Variants in CDH26 observed in about 807,000 individuals in gnomAD.
CDH26 encodes cadherin-like protein 26.
A neutral mutation model predicts 90.3 loss-of-function variants in CDH26; 83 were observed. The observed-to-expected ratio is 0.92, with a 90% CI of 0.77 to 1.10. CDH26 has a LOEUF of 1.10. Ranked by LOEUF, CDH26 falls within the 50% of genes least tolerant of loss-of-function variation. CDH26 has a pLI of 0.00. For missense variants in CDH26, 1,013 were observed against 1,037.6 expected, an observed-to-expected ratio of 0.98 and a Z score of 0.33; for synonymous variants, 397 against 396.3, an observed-to-expected ratio of 1.00 and a Z score of -0.02.
chr20:59,970,032 G>C (rs772173557), intron 2 of CDH26, 50 bp from the exon 3 acceptor site: 2 of 1,588,908 alleles, frequency 1.3e-6, no homozygotes, highest in Admixed American at 3.5e-5. Context: ...AATCCTGGCT[G>C]TGAGCATCAC....
intron 7 of CDH26, among the ~76,000 whole-genome samples, chr20:60,022,024 C>T (rs1775370356): frequency 1.3e-5 from 2 of 151,604 alleles, no homozygotes; most frequent in Non-Finnish European, 2.9e-5. Context: ...ATATTTCAGC[C>T]TTTCCCTTTA....
chr20:60,031,674 C>T (rs78686300), intron 8 of CDH26, among the ~76,000 whole-genome samples: 474 of 152,306 alleles, frequency 3.1e-3, no homozygotes, highest in African/African-American at 0.011. Context: ...AAGTTCTTTA[C>T]AGAGAGGCTG....
At chr20:59,973,065 G>T (rs2061283658) in intron 4 of CDH26, among the ~76,000 whole-genome samples, 2 of 152,136 alleles carry the variant, frequency 1.3e-5, no homozygotes, top group Admixed American at 6.6e-5. Flanking sequence ...TAAAAAGAAG[G>T]ACTTTTAACA....
chr20:60,024,110 T>G (rs2061979152), intron 7 of CDH26, among the ~76,000 whole-genome samples: 1 of 152,236 alleles, frequency 6.6e-6, no homozygotes, highest in Admixed American at 6.5e-5. Flanking sequence ...TTTGAAAAAC[T>G]GTTTTACCAA....
intron 4 of CDH26, among the ~76,000 whole-genome samples, chr20:59,975,295 C>T (rs1054270098): frequency 3.3e-5 from 5 of 152,202 alleles, no homozygotes; most frequent in Non-Finnish European, 7.4e-5. Context: ...CAGAGACAGA[C>T]GCAGAGGAGA....
At chr20:59,961,043 G>T (rs1249108795) in intron 1 of CDH26, among the ~76,000 whole-genome samples, 1 of 152,190 alleles carries the variant, frequency 6.6e-6, no homozygotes, top group African/African-American at 2.4e-5. Flanking sequence ...GTCACATTTT[G>T]CCATATCAAG....
chr20:59,992,403 A>T lies in CDH26; in HGVS notation c.1309A>T (p.Asn437Tyr). The stretch of plus-strand genomic sequence containing the variant: ...ATATGAACTGGTTCATGACCCAGCA[A>T]ATTGGGTCAGCGTCGACAAAAACTC... ...IRYELVHDPANWVSVDKNSGV... is the reference protein window; with the variant it reads ...IRYELVHDPAYWVSVDKNSGV... Residue 437 changes from asparagine to tyrosine, a missense_variant, in exon 10 of 18, where the codon AAT (asparagine) becomes TAT (tyrosine). Transcript: ENST00000348616. The surrounding 1 kb of genome is among the most constrained non-coding windows in gnomAD (Gnocchi z 5.0). The T allele has an allele frequency of 6.2e-7, 1 of 1,614,000 alleles. No individual in the cohort carries two copies. Among genetic ancestry groups the T allele is most frequent in the Non-Finnish European group, 8.5e-7 (1 of 1,179,972 alleles).
chr20:60,003,064 G>A (rs1200211353), intron 16 of CDH26, among the ~76,000 whole-genome samples, 198 bp downstream of exon 16: 1 of 152,148 alleles, frequency 6.6e-6, no homozygotes, highest in Admixed American at 6.5e-5. Context: ...CCCGTGACTC[G>A]AGGGCATAAG....
intron 4 of CDH26, among the ~76,000 whole-genome samples, chr20:59,972,331 G>A (rs889457106): frequency 6.6e-6 from 1 of 152,090 alleles, no homozygotes; most frequent in Admixed American, 6.6e-5. Flanking sequence ...TTCTGCAATC[G>A]ATGTGAGCTG....
intron 3 of CDH26, 144 bp from the exon 4 acceptor site, chr20:59,971,818 C>T (rs1223119818): frequency 1.6e-6 from 1 of 614,418 alleles, no homozygotes; most frequent in Non-Finnish European, 2.8e-6. Context: ...GCATCTCAGC[C>T]CATCTGTTTA....
At chr20:60,006,953 A>G (rs1333320577) in intron 17 of CDH26, among the ~76,000 whole-genome samples, 166 bp downstream of exon 17, 1 of 152,108 alleles carries the variant, frequency 6.6e-6, no homozygotes, top group Non-Finnish European at 1.5e-5. Flanking sequence ...ACAGAAATAT[A>G]TTGCCTCATG....
intron 4 of CDH26, among the ~76,000 whole-genome samples, chr20:59,977,485 A>G (rs923257250): frequency 5.9e-5 from 9 of 151,818 alleles, no homozygotes; most frequent in African/African-American, 2.2e-4. Flanking sequence ...AAAAATATGT[A>G]TATTTATTTA....
chr20:60,028,100 G>T (rs1216301432), intron 7 of CDH26, among the ~76,000 whole-genome samples: 1 of 152,092 alleles, frequency 6.6e-6, no homozygotes, highest in Admixed American at 6.5e-5. Context: ...TTTGCCACCT[G>T]GGTAGGTCTG....
chr20:59,973,442 A>G (rs1470454100), intron 4 of CDH26, among the ~76,000 whole-genome samples: 1 of 151,740 alleles, frequency 6.6e-6, no homozygotes, highest in African/African-American at 2.4e-5. Flanking sequence ...CAGGTTTGTT[A>G]TATAGGTAAA....
At chr20:60,018,164 T>C (rs1035385679), downstream of CDH26, among the ~76,000 whole-genome samples, 1 of 152,090 alleles carries the variant, frequency 6.6e-6, no homozygotes, top group Non-Finnish European at 1.5e-5. Flanking sequence ...TTGTTGATTT[T>C]ATATCTAAAT....
chr20:59,991,436 T>A (rs932935446), intron 9 of CDH26, among the ~76,000 whole-genome samples: 4 of 152,190 alleles, frequency 2.6e-5, no homozygotes, highest in Admixed American at 2.6e-4. Context: ...TTCATCTGCA[T>A]TAGCTGAGGG....
In CDH26 at chr20:59,989,091, A is replaced by G. The variant is rs28409250; in HGVS notation, c.1211A>G (p.Asn404Ser). The change falls in exon 9 of 18, where the codon AAT becomes AGT. Residue 404 changes from asparagine to serine, a missense_variant. Asn to Ser is a conservative substitution (Grantham distance 46, BLOSUM62 1). Coordinates refer to ENST00000348616, the MANE Select transcript of CDH26 (RefSeq NM_177980.4). ...TTTCACCCCCAGAGCTTCATTGTCAATAAAGAGGAGGGCGCCAGGCCTGGG... is the reference window on the plus strand; with the variant it reads ...TTTCACCCCCAGAGCTTCATTGTCAGTAAAGAGGAGGGCGCCAGGCCTGGG... ...PAFHPQSFIV[N>S]KEEGARPGTL... 0.014 allele frequency: 22,169 copies of G among 1,614,180 alleles called. 177 individuals are homozygous for G. The highest frequency in any genetic ancestry group is 0.018 in the Middle Eastern group (110 of 6,062).
rs753386061 is a variant in CDH26 at position 59,983,083 on chromosome 20, G to T, written c.541+13G>T. On this transcript the variant is annotated intron_variant, in intron 5 of 17. Transcript: ENST00000348616. ...AACCAATCTGCAGGTGTGTGCGGCTGGGGGGCTGCCGGGCTTCCTTCTGTC... is the reference window on the plus strand; with the variant it reads ...AACCAATCTGCAGGTGTGTGCGGCTTGGGGGCTGCCGGGCTTCCTTCTGTC... 6.2e-7 allele frequency: 1 copy of T among 1,611,650 alleles called. No individual in the cohort carries two copies. Among genetic ancestry groups the T allele is most frequent in the East Asian group, 2.2e-5 (1 of 44,828 alleles).
chr20:60,026,963 G>T (rs2062002536), intron 7 of CDH26, among the ~76,000 whole-genome samples: 1 of 152,230 alleles, frequency 6.6e-6, no homozygotes, highest in Non-Finnish European at 1.5e-5. Flanking sequence ...GAGTGAATGA[G>T]TGATATGGCG....
Sources: gnomAD v4.1 joint callset for allele counts (sites outside exome capture counted in the v4.1 genomes callset) on GRCh38, gnomAD v4.1.1 for gene constraint, Gnocchi (gnomAD v3.1) non-coding constraint, MANE v1.5 for transcripts, NCBI Gene and HGNC (gene_info 2026-07-23, HGNC 2026-07-21) for gene names.